Variants in IL20RA observed in about 807,000 individuals in gnomAD.
IL20RA encodes the protein interleukin-20 receptor subunit alpha.
Under a neutral mutation model 36.5 loss-of-function variants are expected in IL20RA, and 29 were observed. The observed-to-expected ratio is 0.79, with a 90% CI of 0.59 to 1.08. The LOEUF is 1.08. IL20RA is among the 50% of genes least tolerant of loss of function. IL20RA has a pLI of 0.00. For synonymous variants in IL20RA, 279 were observed against 267.1 expected (o/e 1.04, Z -0.43); for missense variants, 652 against 668.4 (o/e 0.98, Z 0.27).
rs1157991266 is a variant in IL20RA, at chr6:137,017,100, G to A, written c.92C>T (p.Pro31Leu). 6.2e-7 allele frequency: 1 copy of A among 1,611,440 alleles called. No individual in the cohort carries two copies. The highest frequency in any genetic ancestry group is 1.1e-5 in the South Asian group (1 of 90,612). Residue 31 changes from proline (P) to leucine (L), a missense_variant, in exon 2 of 7, where the codon CCC becomes CTC. Pro to Leu is a moderately conservative substitution (Grantham distance 98, BLOSUM62 -3). Transcript: ENST00000316649. ...LLAAPWGRAV[P>L]CVSGGLPKPA... is the part of the protein sequence containing the mutation. ...TTTAGGCAAACCACCAGAGACACAG[G>A]GAACTGAAAAAGGAGCAGAAAGGAA...
At chr6:137,033,815 G>A (rs184430960) in intron 1 of IL20RA, among the ~76,000 whole-genome samples, 17 of 152,246 alleles carry the variant, frequency 1.1e-4, no homozygotes, top group Admixed American at 2.6e-4. Context: ...AACTAATTAC[G>A]TCTGCAAAAA....
chr6:137,025,586 C>A (rs1776057715), intron 1 of IL20RA, among the ~76,000 whole-genome samples: 1 of 152,174 alleles, frequency 6.6e-6, no homozygotes, highest in Non-Finnish European at 1.5e-5. Flanking sequence ...TCTGTTTGCT[C>A]GCAGGTCCTT....
rs976185343 is a variant in IL20RA, at chr6:137,044,784, C to G, written c.-56G>C. On this transcript the variant is annotated 5_prime_UTR_variant, in exon 1 of 7. Transcript: ENST00000316649. Reference sequence around the variant, plus strand: ...GCAGCAGACTGCTCAGTCCCACGCCCGCTGGGGCCAAGCGCGGCCGCGCGG... The same window carrying G: ...GCAGCAGACTGCTCAGTCCCACGCCGGCTGGGGCCAAGCGCGGCCGCGCGG... 3 of 1,204,838 alleles carry G rather than the reference C, an allele frequency of 2.5e-6. No homozygotes were observed. The African/African-American group carries it at 4.7e-5, about 19-fold the overall frequency. 74.6% of individuals were successfully genotyped at this position (1,204,838 alleles called of 1,614,324 possible). A position where few individuals can be genotyped will look rare whatever the true frequency, so the allele number is the denominator to read the frequency against.
At chr6:137,034,818 G>A (rs183891882) in intron 1 of IL20RA, among the ~76,000 whole-genome samples, 12 of 152,056 alleles carry the variant, frequency 7.9e-5, no homozygotes, top group Middle Eastern at 3.4e-3. Flanking sequence ...GGTGGCGGGC[G>A]CCTGTAGTCC....
chr6:137,007,806 G>C (rs1432187748), intron 5 of IL20RA, among the ~76,000 whole-genome samples: 4 of 152,224 alleles, frequency 2.6e-5, no homozygotes, highest in African/African-American at 9.7e-5. Context: ...CAGCCAATTA[G>C]TGGCACTTGA....
At chr6:137,012,087 G>T (rs1332253866) in intron 2 of IL20RA, among the ~76,000 whole-genome samples, 3 of 152,110 alleles carry the variant, frequency 2.0e-5, no homozygotes, top group Non-Finnish European at 4.4e-5. Context: ...TTTTCAGGTG[G>T]GAGAGACTGA....
chr6:137,040,860 G>C (rs1776668203), intron 1 of IL20RA, among the ~76,000 whole-genome samples: 1 of 152,074 alleles, frequency 6.6e-6, no homozygotes, highest in Admixed American at 6.5e-5. Flanking sequence ...AAAATAGTTG[G>C]GTGTGAGTTT....
At chr6:137,029,277 G>T (rs539294847) in intron 1 of IL20RA, among the ~76,000 whole-genome samples, 1 of 152,250 alleles carries the variant, frequency 6.6e-6, no homozygotes, top group South Asian at 2.1e-4. Flanking sequence ...GGAGGCCAAG[G>T]TGGGTGGATC....
intron 1 of IL20RA, among the ~76,000 whole-genome samples, chr6:137,018,287 T>C (rs1441593127): frequency 1.3e-5 from 2 of 152,184 alleles, no homozygotes; most frequent in Non-Finnish European, 2.9e-5. Context: ...ATTGTTATTT[T>C]GCAAGCCAAG....
intron 4 of IL20RA, 114 bp from the exon 5 acceptor site, chr6:137,008,857 A>C: frequency 5.4e-6 from 2 of 373,388 alleles, no homozygotes; most frequent in East Asian, 5.6e-5. Context: ...CTTTACTATC[A>C]GTATAAGCTT....
chr6:137,014,498 AAAAG>A (rs1454770333), intron 2 of IL20RA, among the ~76,000 whole-genome samples: 2 of 152,208 alleles, frequency 1.3e-5, no homozygotes, highest in African/African-American at 2.4e-5. Context: ...TTTGATAGAA[AAAAG>A]AAATTGAAGT....
chr6:137,002,222 C>T lies in IL20RA; in HGVS notation c.998G>A (p.Ser333Asn). The change falls in exon 7 of 7, where the codon AGC (serine) becomes AAC (asparagine). Residue 333 changes from serine (S) to asparagine (N), a missense_variant. By Grantham distance (46) the Ser-to-Asn change is conservative. Transcript: ENST00000316649. ...SHQDMSLLGK[S>N]SDVSSLNDPQ... is the part of the protein sequence containing the mutation. ...ATCATTAAGGCTGGATACATCACTG[C>T]TTTTTCCCAGTAAACTCATATCCTG... 6.2e-7 allele frequency: 1 copy of T among 1,614,102 alleles called. No homozygotes were observed. The highest frequency in any genetic ancestry group is 2.2e-5 in the East Asian group (1 of 44,882).
At chr6:137,043,775 T>C (rs547099212) in intron 1 of IL20RA, among the ~76,000 whole-genome samples, 11 of 152,288 alleles carry the variant, frequency 7.2e-5, no homozygotes, top group African/African-American at 2.6e-4. Flanking sequence ...TGGAGAAGCT[T>C]TGTTGTTGTT....
chr6:137,022,184 A>G (rs1484508032), intron 1 of IL20RA, among the ~76,000 whole-genome samples: 1 of 152,242 alleles, frequency 6.6e-6, no homozygotes, highest in African/African-American at 2.4e-5. Context: ...TAATCTGTTC[A>G]GCAAATTTTT....
intron 2 of IL20RA, among the ~76,000 whole-genome samples, chr6:137,012,149 C>A (rs928736119): frequency 9.2e-5 from 14 of 151,956 alleles, no homozygotes; most frequent in Non-Finnish European, 1.8e-4. Flanking sequence ...ACAGGGGAGG[C>A]AGTTTGGGAA....
intron 5 of IL20RA, among the ~76,000 whole-genome samples, chr6:137,006,249 G>A (rs553414562): frequency 3.3e-5 from 5 of 152,296 alleles, no homozygotes; most frequent in East Asian, 3.9e-4. Context: ...AACAAGAGCC[G>A]GTGGGAAAAG....
chr6:137,017,065 T>G lies in IL20RA; in HGVS notation c.127A>C (p.Ile43Leu). ...VSGGLPKPAN[I>L]TFLSINMKNV... ...TTCATGTTGATGGATAAGAAGGTGA[T>G]GTTTGCAGGTTTAGGCAAACCACCA... The change falls in exon 2 of 7, where the codon ATC becomes CTC. Residue 43 changes from isoleucine (I) to leucine (L), a missense_variant. By Grantham distance (5) the Ile-to-Leu change is conservative (BLOSUM62 2). Transcript: ENST00000316649. The G allele has an allele frequency of 6.2e-7, 1 of 1,613,778 alleles. No homozygotes were observed.
chr6:137,008,088 C>T (rs1775337619), intron 5 of IL20RA, among the ~76,000 whole-genome samples: 1 of 152,190 alleles, frequency 6.6e-6, no homozygotes. Flanking sequence ...CCACCTCAGC[C>T]TCCCGAGTAG....
At chr6:137,006,554 G>A (rs374113114) in intron 5 of IL20RA, among the ~76,000 whole-genome samples, 4 of 152,124 alleles carry the variant, frequency 2.6e-5, no homozygotes, top group African/African-American at 9.7e-5. Flanking sequence ...GATGGGGGAC[G>A]AGAGAGCAGA....
Sources: allele counts gnomAD v4.1 joint callset (sites outside exome capture counted in the v4.1 genomes callset), GRCh38; gene constraint gnomAD v4.1.1; transcripts MANE v1.5; gene names NCBI Gene and HGNC (gene_info 2026-07-23, HGNC 2026-07-21).